Variants in NUDT16L1 observed in about 807,000 individuals in gnomAD.
The protein encoded by NUDT16L1 is tudor-interacting repair regulator protein.
In NUDT16L1, 19 loss-of-function variants were observed where a neutral mutation model predicts 17.3. That is an observed-to-expected ratio of 1.10 (90% CI 0.77 to 1.61). The LOEUF is 1.61. Among genes scored for constraint, NUDT16L1 ranks in the 40% most tolerant of loss-of-function variants. NUDT16L1 has a pLI of 0.00. For missense variants in NUDT16L1, 341 were observed against 292.0 expected (o/e 1.17, Z -1.22); for synonymous variants, 255 against 138.6 (o/e 1.84, Z -5.90).
chr16:4,694,587 A>C, intron 2 of NUDT16L1: 3 of 1,435,100 alleles, frequency 2.1e-6, no homozygotes, highest in Non-Finnish European at 2.7e-6. Context: ...GGGGTTGTAA[A>C]ACTTGGGAAC....
exon 1 of NUDT16L1, chr16:4,693,767 G>A (rs1325656547): frequency 2.6e-6 from 4 of 1,563,764 alleles, no homozygotes; most frequent in Non-Finnish European, 3.5e-6. Flanking sequence ...CAGATCAGCC[G>A]GGTGGAGGCG....
chr16:4,694,050 G>A, exon 2 of NUDT16L1: 2 of 1,586,460 alleles, frequency 1.3e-6, no homozygotes, highest in African/African-American at 1.4e-5. Context: ...GTCGCTGGAG[G>A]ACGGCCTGAA....
chr16:4,694,029 C>T (rs1296409863), exon 2 of NUDT16L1: 38 of 1,584,274 alleles, frequency 2.4e-5, no homozygotes, highest in Non-Finnish European at 2.8e-5. Flanking sequence ...CTTCGTGGAC[C>T]GGCGCTTCTG....
At chr16:4,694,901 C>T in intron 2 of NUDT16L1, 57 bp from the exon 3 acceptor site, 1 of 1,547,690 alleles carries the variant, frequency 6.5e-7, no homozygotes, top group African/African-American at 1.4e-5. Flanking sequence ...GCCCCTCCTG[C>T]TGGAGGTGCC....
intron 2 of NUDT16L1, chr16:4,694,684 C>A: frequency 9.8e-7 from 1 of 1,021,070 alleles, no homozygotes; most frequent in South Asian, 3.3e-5. Context: ...GTTGGGTGGA[C>A]GGGGGGAGCA....
Position 4,694,612 on chromosome 16 carries a change from G to A in NUDT16L1, c.415-346G>A, listed in dbSNP as rs776700348. 1.5e-5 allele frequency: 22 copies of A among 1,429,976 alleles called. No homozygotes were observed. In the South Asian group the frequency reaches 2.6e-4, roughly 17 times the overall value. 88.6% of individuals were successfully genotyped at this position (1,429,976 alleles called of 1,614,324 possible). A position where few individuals can be genotyped will look rare whatever the true frequency, so the allele number is the denominator to read the frequency against. On this transcript the variant is annotated intron_variant, in intron 2 of 2. Coordinates refer to ENST00000304301, the Ensembl canonical transcript of NUDT16L1. ...AACTTGGGAACCTCATGTTGGGCGT[G>A]AAGGCTCTTGGGATTTGTACTTTGT... is the stretch of plus-strand genomic sequence containing the variant.
rs558956442 is a variant in NUDT16L1 at position 4,694,937 on chromosome 16, C to G, written c.415-21C>G. Reference sequence around the variant, plus strand: ...ATTGTGTGGCAGGCCTGGCCCCAACCCCTACCTCCTGTCTGCGCAGGTGCT... The same window carrying G: ...ATTGTGTGGCAGGCCTGGCCCCAACGCCTACCTCCTGTCTGCGCAGGTGCT... On this transcript the variant is annotated intron_variant, in intron 2 of 2. Transcript: ENST00000304301. 9.4e-5 allele frequency: 150 copies of G among 1,594,478 alleles called. 3 individuals are homozygous for G. The South Asian group carries it at 1.5e-3, about 16-fold the overall frequency.
At chr16:4,694,644 G>A in intron 2 of NUDT16L1, 1 of 1,420,932 alleles carries the variant, frequency 7.0e-7, no homozygotes, top group Non-Finnish European at 9.2e-7. Context: ...TTGTGGTCTG[G>A]AAGGGCTGGA....
At chr16:4,695,105 C>A in exon 3 of NUDT16L1, 1 of 1,613,486 alleles carries the variant, frequency 6.2e-7, no homozygotes, top group Non-Finnish European at 8.5e-7. Context: ...CGAGGAGAAG[C>A]TGGTTGAGGC....
chr16:4,695,244 C>A (rs1303119535), exon 3 of NUDT16L1: 3 of 1,528,610 alleles, frequency 2.0e-6, no homozygotes, highest in Middle Eastern at 2.1e-4. Flanking sequence ...CTAAGTGTGG[C>A]TTCTAGAGTG....
rs927951108 is a variant in NUDT16L1, at chr16:4,693,940, C to T, written c.154-38C>T. 6 of 1,505,344 alleles carry T rather than the reference C, an allele frequency of 4.0e-6. No individual in the cohort carries two copies. In the Admixed American group the frequency reaches 1.2e-4, roughly 31 times the overall value. The allele number at this position is 1,505,344 out of a possible 1,614,324, so 93.2% of individuals were successfully genotyped here. ...CGCGGGCGGGCCCGGGCGGGGGCGT[C>T]CGTCGACCCCGCGGCTGTGACCCGC... On this transcript the variant is annotated intron_variant, in intron 1 of 2. Transcript: ENST00000304301.
At chr16:4,693,596 C>T (rs903129413), upstream of NUDT16L1, 67 of 1,119,740 alleles carry the variant, frequency 6.0e-5, no homozygotes, top group Non-Finnish European at 7.2e-5. Flanking sequence ...GGGCTCGGTC[C>T]CGGGGCGCGC....
chr16:4,694,703 G>GGACCCCACC, intron 2 of NUDT16L1: 1 of 1,423,304 alleles, frequency 7.0e-7, no homozygotes, highest in Non-Finnish European at 9.1e-7. Context: ...CATGGGGTGC[G>GGACCCCACC]GACCCCGGGG....
At position 4,695,356 on chromosome 16, in the gene NUDT16L1, C is replaced by G. The variant is rs144523633; in HGVS notation, c.*177C>G. The G allele has an allele frequency of 5.1e-4, 326 of 640,778 alleles. No individual in the cohort carries two copies. In the African/African-American group the frequency reaches 5.6e-3, roughly 11 times the overall value. The allele number at this position is 640,778 out of a possible 1,614,324, so 39.7% of individuals were successfully genotyped here. ...TAGGTGGCGGCCGGGCCAGCTGGAA[C>G]CCAGCCCATCCTCTCAGGCAGAGCA... On this transcript the variant is annotated 3_prime_UTR_variant, in exon 3 of 3. Transcript: ENST00000304301.
chr16:4,695,030 AACGCCTTCGTGAGC>A lies in NUDT16L1; in HGVS notation c.491_504del (p.Ala164GlyfsTer2). Reference sequence around the variant, plus strand: ...CGGAGGCTTCCCCAACTTCCTGAGCAACGCCTTCGTGAGCACGGCTAAGTGCCAGCTCCTCTTTG... The same window carrying A: ...CGGAGGCTTCCCCAACTTCCTGAGCAACGGCTAAGTGCCAGCTCCTCTTTG... On this transcript the variant is annotated frameshift_variant, in exon 3 of 3. Transcript: ENST00000304301. LOFTEE classifies it high-confidence loss of function. 1 of 1,613,318 alleles carries A rather than the reference AACGCCTTCGTGAGC, an allele frequency of 6.2e-7. No individual in the cohort carries two copies. Among genetic ancestry groups the A allele is most frequent in the Non-Finnish European group, 8.5e-7 (1 of 1,179,992 alleles).
exon 1 of NUDT16L1, chr16:4,693,769 G>T (rs1170594091): frequency 1.9e-6 from 3 of 1,564,960 alleles, no homozygotes; most frequent in Non-Finnish European, 1.7e-6. Context: ...GATCAGCCGG[G>T]TGGAGGCGAT....
At chr16:4,693,720 T>G (rs1445668643) in exon 1 of NUDT16L1, 2 of 1,517,458 alleles carry the variant, frequency 1.3e-6, no homozygotes, top group Non-Finnish European at 1.8e-6. Context: ...ACGGGGTCAG[T>G]GCCAAGATGT....
At position 4,695,517 on chromosome 16, in the gene NUDT16L1, C is replaced by T. The variant is rs1046300674; in HGVS notation, c.*338C>T. On this transcript the variant is annotated 3_prime_UTR_variant, in exon 3 of 3. Coordinates refer to ENST00000304301, the Ensembl canonical transcript of NUDT16L1. ...GTGCCTGATTGTCCCACAGGGGTGG[C>T]GCACAGCTCTGGGACCACTCAGAAG... 23 of 542,272 alleles carry T rather than the reference C, an allele frequency of 4.2e-5. No homozygotes were observed. In the Admixed American group the frequency reaches 4.7e-4, roughly 11 times the overall value. 33.6% of individuals were successfully genotyped at this position (542,272 alleles called of 1,614,324 possible).
chr16:4,695,247 C>CT (rs761066301), exon 3 of NUDT16L1: 379 of 1,525,150 alleles, frequency 2.5e-4, no homozygotes, highest in Middle Eastern at 4.2e-4. Context: ...AGTGTGGCTT[C>CT]TAGAGTGTTT....
Sources: gnomAD v4.1 joint callset for allele counts on GRCh38, gnomAD v4.1.1 for gene constraint, MANE v1.5 for transcripts, NCBI Gene and HGNC (gene_info 2026-07-23, HGNC 2026-07-21) for gene names.